The following ZFPM2 variants were observed in gnomAD, a reference collection of about 807,000 sequenced individuals.
The protein encoded by ZFPM2 is zinc finger protein, FOG family member 2, also known as zinc finger protein ZFPM2.
A neutral mutation model predicts 98.6 loss-of-function variants in ZFPM2; 20 were observed. The ratio of observed to expected loss-of-function variants is 0.20; its 90% confidence interval spans 0.14 to 0.29. ZFPM2 has a LOEUF of 0.29. ZFPM2 is among the 10% of genes least tolerant of loss of function. The pLI is 1.00. For synonymous variants in ZFPM2, 518 were observed against 502.7 expected (o/e 1.03, Z -0.41); for missense variants, 1,310 against 1,388.6 (o/e 0.94, Z 0.90).
At chr8:105,562,794 C>T (rs1403877985) in intron 4 of ZFPM2, among the ~76,000 whole-genome samples, 6 of 152,194 alleles carry the variant, frequency 3.9e-5, no homozygotes, top group Non-Finnish European at 8.8e-5. Flanking sequence ...TTAAGGTCAG[C>T]TGATTAACAC....
At chr8:105,536,908 C>T (rs1275380369) in intron 3 of ZFPM2, among the ~76,000 whole-genome samples, 2 of 152,126 alleles carry the variant, frequency 1.3e-5, no homozygotes, top group Admixed American at 6.5e-5. Context: ...AATGTATCAG[C>T]TATGGATATT....
intron 4 of ZFPM2, among the ~76,000 whole-genome samples, chr8:105,613,643 A>G (rs1011306132): frequency 6.6e-6 from 1 of 152,282 alleles, no homozygotes; most frequent in Middle Eastern, 3.4e-3. Context: ...CTTACCTTGT[A>G]TATAGACTAG....
intron 5 of ZFPM2, among the ~76,000 whole-genome samples, chr8:105,664,427 C>T (rs187419263): frequency 3.4e-4 from 51 of 151,886 alleles, no homozygotes; most frequent in Middle Eastern, 3.4e-3. Flanking sequence ...CCTCTGCCTC[C>T]GGGTTCAAGC....
chr8:105,791,042 A>T (rs1407330805), intron 6 of ZFPM2, among the ~76,000 whole-genome samples: 1 of 152,254 alleles, frequency 6.6e-6, no homozygotes, highest in East Asian at 1.9e-4. Flanking sequence ...GCAAACAGGG[A>T]CAATTTGACT....
chr8:105,760,604 T>A (rs1812713679), intron 5 of ZFPM2, among the ~76,000 whole-genome samples: 1 of 152,110 alleles, frequency 6.6e-6, no homozygotes, highest in Non-Finnish European at 1.5e-5. Flanking sequence ...GGCAAGGATG[T>A]GTGGATTTAA....
chr8:105,620,141 C>A (rs1386894366), intron 4 of ZFPM2, among the ~76,000 whole-genome samples: 1 of 152,166 alleles, frequency 6.6e-6, no homozygotes, highest in Non-Finnish European at 1.5e-5. Context: ...AGTTTACAGT[C>A]CCACCAACAG....
At chr8:105,668,012 C>T (rs769584573) in intron 5 of ZFPM2, among the ~76,000 whole-genome samples, 28 of 152,236 alleles carry the variant, frequency 1.8e-4, no homozygotes, top group Non-Finnish European at 3.2e-4. Context: ...TTTTTAAGCA[C>T]GTAATGAGGC....
intron 3 of ZFPM2, among the ~76,000 whole-genome samples, chr8:105,445,973 T>G (rs1490189586): frequency 6.6e-6 from 1 of 151,698 alleles, no homozygotes; most frequent in African/African-American, 2.4e-5. Context: ...CAGGCTGGAG[T>G]GCAGTGGCAT....
At chr8:105,619,893 G>T (rs1235237592) in intron 4 of ZFPM2, among the ~76,000 whole-genome samples, 2 of 152,104 alleles carry the variant, frequency 1.3e-5, no homozygotes, top group African/African-American at 2.4e-5. Flanking sequence ...AGTATTCCAT[G>T]GTGTATATGT....
chr8:105,410,439 G>A (rs540782170), intron 1 of ZFPM2, among the ~76,000 whole-genome samples: 1 of 151,946 alleles, frequency 6.6e-6, no homozygotes, highest in Non-Finnish European at 1.5e-5. Context: ...AATTTAACCT[G>A]TACCTTGTCT....
At chr8:105,359,367 C>CTTTTTTTTTTTTTTTTTTTTTTTTTT (rs111675257) in intron 1 of ZFPM2, among the ~76,000 whole-genome samples, 1 of 135,358 alleles carries the variant, frequency 7.4e-6, no homozygotes. Context: ...CTTTTTCTTT[C>CTTTTTTTTTTTTTTTTTTTTTTTTTT]TTTTTTTTTT....
chr8:105,538,465 C>T (rs571474474), intron 3 of ZFPM2, among the ~76,000 whole-genome samples: 3 of 152,222 alleles, frequency 2.0e-5, no homozygotes, highest in Admixed American at 6.5e-5. Flanking sequence ...GTTACTATCT[C>T]TTTGAAAGTA....
intron 5 of ZFPM2, among the ~76,000 whole-genome samples, chr8:105,653,190 T>G (rs1019029481): frequency 7.9e-5 from 12 of 152,228 alleles, no homozygotes; most frequent in African/African-American, 2.9e-4. Context: ...TCCATGGCTT[T>G]AAACATCACT....
At chr8:105,426,342 T>C (rs1422871911) in intron 2 of ZFPM2, among the ~76,000 whole-genome samples, 1 of 152,184 alleles carries the variant, frequency 6.6e-6, no homozygotes, top group Non-Finnish European at 1.5e-5. Context: ...GCAAATCGCC[T>C]GTAAGCTTAC....
At chr8:105,512,747 A>G (rs1813842137) in intron 3 of ZFPM2, among the ~76,000 whole-genome samples, 1 of 152,196 alleles carries the variant, frequency 6.6e-6, no homozygotes, top group South Asian at 2.1e-4. Flanking sequence ...CTGTAGATTA[A>G]TTGGTCAAAT....
intron 6 of ZFPM2, among the ~76,000 whole-genome samples, chr8:105,793,211 C>A (rs1460436804): frequency 1.3e-5 from 2 of 152,130 alleles, no homozygotes; most frequent in Non-Finnish European, 2.9e-5. Context: ...CATGATTTTG[C>A]AGCAGCTGGT....
At chr8:105,690,554 T>C (rs1026816406) in intron 5 of ZFPM2, among the ~76,000 whole-genome samples, 2 of 152,184 alleles carry the variant, frequency 1.3e-5, no homozygotes, top group African/African-American at 4.8e-5. Context: ...TCTAGCCATG[T>C]AGCTCCTCAG....
At chr8:105,489,151 G>A (rs1453214461) in intron 3 of ZFPM2, among the ~76,000 whole-genome samples, 2 of 151,860 alleles carry the variant, frequency 1.3e-5, no homozygotes, top group Non-Finnish European at 2.9e-5. Flanking sequence ...CACTGTAGTT[G>A]AGTCCACAGT....
At chr8:105,387,985 T>C (rs1258323170) in intron 1 of ZFPM2, 2 of 152,222 alleles carry the variant, frequency 1.3e-5, no homozygotes, top group Non-Finnish European at 2.9e-5. Flanking sequence ...TCCCATAAAA[T>C]GCTTAAGATT....
Sources: gnomAD v4.1 joint callset for allele counts (sites outside exome capture counted in the v4.1 genomes callset) on GRCh38, gnomAD v4.1.1 for gene constraint, MANE v1.5 for transcripts, NCBI Gene and HGNC (gene_info 2026-07-23, HGNC 2026-07-21) for gene names.